DIAPH3: variants seen among roughly 807,000 people sequenced by gnomAD.
The protein encoded by DIAPH3 is protein diaphanous homolog 3.
Under a neutral mutation model 144.3 loss-of-function variants are expected in DIAPH3, and 117 were observed. The observed-to-expected ratio is 0.81, with a 90% CI of 0.70 to 0.95. The LOEUF (loss-of-function observed/expected upper bound fraction) is 0.95, where lower values mean the gene tolerates loss of function less well. Ranked by LOEUF, DIAPH3 falls within the 40% of genes least tolerant of loss-of-function variation. DIAPH3 has a pLI of 0.00. For missense variants in DIAPH3, 1,421 were observed against 1,412.7 expected, an observed-to-expected ratio of 1.01 and a Z score of -0.09; for synonymous variants, 519 against 488.9, an observed-to-expected ratio of 1.06 and a Z score of -0.81.
chr13:59,917,825 G>A (rs764948827), intron 18 of DIAPH3, among the ~76,000 whole-genome samples: 4 of 143,062 alleles, frequency 2.8e-5, no homozygotes, highest in Admixed American at 7.5e-5. Context: ...AAGAGGCAGA[G>A]GTTGCAGTGA....
At position 59,996,885 on chromosome 13, in the gene DIAPH3, T is replaced by A. The variant is rs1306866999; in HGVS notation, c.1015-4302A>T. Among the ~76,000 whole-genome samples, 3 of 151,978 alleles carry A rather than the reference T, an allele frequency of 2.0e-5. No homozygotes were observed. In the East Asian group the frequency reaches 5.8e-4, roughly 29 times the overall value. On this transcript the variant is annotated intron_variant, in intron 9 of 27. Transcript: ENST00000400324. ...CAAAGTGGCTTTCTGCCCTTGAAAA[T>A]AAAGTGAGAAGTTTTCTTCATATGT...
At chr13:59,888,398 T>C (rs2045581594) in intron 20 of DIAPH3, among the ~76,000 whole-genome samples, 2 of 152,114 alleles carry the variant, frequency 1.3e-5, no homozygotes, top group African/African-American at 4.8e-5. Context: ...TTGTTTATAA[T>C]CCATTCAGTT....
chr13:60,090,943 G>A (rs546871370), intron 4 of DIAPH3, among the ~76,000 whole-genome samples: 1 of 152,260 alleles, frequency 6.6e-6, no homozygotes, highest in South Asian at 2.1e-4. Context: ...AATGATTAGA[G>A]GATTAAAGTT....
intron 4 of DIAPH3, among the ~76,000 whole-genome samples, chr13:60,066,800 T>A (rs2056985284): frequency 6.6e-6 from 1 of 152,198 alleles, no homozygotes; most frequent in Non-Finnish European, 1.5e-5. Flanking sequence ...ATTTTTTCCA[T>A]CTTAAATTGG....
In DIAPH3 at chr13:59,879,273, G is replaced by A. The variant is rs375470625; in HGVS notation, c.2563C>T (p.Arg855Trp). Reference protein sequence around the residue: ...LMGNYMNAGSRNAQTFGFNLS... With the variant: ...LMGNYMNAGSWNAQTFGFNLS... ...TTAAATCCGAAGGTTTGAGCATTCC[G>A]GGAGCCAGCATTCATGTAGTTTCCC... The change falls in exon 21 of 28, where the codon CGG becomes TGG. Residue 855 changes from arginine to tryptophan, a missense_variant. Arg to Trp is a moderately radical substitution (Grantham distance 101). Coordinates refer to ENST00000400324, the MANE Select transcript of DIAPH3 (RefSeq NM_001042517.2). 5.0e-5 allele frequency: 80 copies of A among 1,613,756 alleles called. No homozygotes were observed. Among genetic ancestry groups the A allele is most frequent in the Middle Eastern group, 3.3e-4 (2 of 6,062 alleles).
chr13:59,807,912 C>T (rs2040278056), intron 25 of DIAPH3, among the ~76,000 whole-genome samples: 3 of 151,776 alleles, frequency 2.0e-5, no homozygotes, highest in South Asian at 2.1e-4. Flanking sequence ...TTTAAAGAAA[C>T]ATAAACCAGC....
At chr13:60,099,681 C>A (rs947751792) in intron 3 of DIAPH3, among the ~76,000 whole-genome samples, 1 of 152,084 alleles carries the variant, frequency 6.6e-6, no homozygotes, top group Non-Finnish European at 1.5e-5. Context: ...CAGGGGAAAC[C>A]GAGTTGCAAC....
At chr13:59,964,363 T>G (rs1431970388) in intron 17 of DIAPH3, among the ~76,000 whole-genome samples, 1 of 152,066 alleles carries the variant, frequency 6.6e-6, no homozygotes, top group African/African-American at 2.4e-5. Context: ...TATGTGTATG[T>G]ACATACACAC....
At chr13:60,134,601 A>G (rs2059222485) in intron 1 of DIAPH3, among the ~76,000 whole-genome samples, 1 of 152,166 alleles carries the variant, frequency 6.6e-6, no homozygotes, top group African/African-American at 2.4e-5. Context: ...AGCCTATTGC[A>G]TTTGGTTAAC....
At chr13:60,117,018 T>C (rs1490941756) in intron 2 of DIAPH3, among the ~76,000 whole-genome samples, 2 of 151,984 alleles carry the variant, frequency 1.3e-5, no homozygotes, top group Non-Finnish European at 2.9e-5. Flanking sequence ...CCTAACGATT[T>C]CATAGTATTG....
At chr13:60,137,868 C>A (rs111544630) in intron 1 of DIAPH3, among the ~76,000 whole-genome samples, 1 of 151,302 alleles carries the variant, frequency 6.6e-6, no homozygotes, top group Non-Finnish European at 1.5e-5. Context: ...GGACCACAGG[C>A]GTGCACCACC....
chr13:59,914,614 A>T (rs186066634), intron 19 of DIAPH3, among the ~76,000 whole-genome samples: 403 of 152,320 alleles, frequency 2.6e-3, no homozygotes, highest in Non-Finnish European at 4.2e-3. Flanking sequence ...AGTTCTTATA[A>T]GTGGAAGAAA....
At chr13:59,948,845 GA>G (rs1349974748) in intron 17 of DIAPH3, among the ~76,000 whole-genome samples, 3 of 21,844 alleles carry the variant, frequency 1.4e-4, no homozygotes, top group African/African-American at 3.5e-4. Context: ...AAGAAAGAAG[GA>G]AGGAAGGAAG....
At chr13:59,992,240 A>T in intron 10 of DIAPH3, 54 bp from the exon 11 acceptor site, 3 of 1,416,874 alleles carry the variant, frequency 2.1e-6, no homozygotes, top group Non-Finnish European at 3.0e-6. Flanking sequence ...AATTATGCAA[A>T]AGAATAAAAA....
chr13:59,689,615 T>G (rs915600862), intron 27 of DIAPH3, among the ~76,000 whole-genome samples: 2 of 152,010 alleles, frequency 1.3e-5, no homozygotes, highest in African/African-American at 4.8e-5. Context: ...AGACTGCTAT[T>G]CTGCAGGTTT....
intron 9 of DIAPH3, among the ~76,000 whole-genome samples, chr13:60,001,030 T>C (rs2052496861): frequency 6.6e-6 from 1 of 152,214 alleles, no homozygotes; most frequent in Non-Finnish European, 1.5e-5. Context: ...ATATTTCATT[T>C]CCACTTGTAT....
chr13:60,062,451 T>C lies in DIAPH3; in HGVS notation c.496-19631A>G, dbSNP rs1473275743. On this transcript the variant is annotated intron_variant, in intron 4 of 27. Transcript: ENST00000400324. Reference sequence around the variant, plus strand: ...TCTTTCCAGAGTAGTTTTTTTACGATTACTACTTAAACCAGTGTTTCTGTA... The same window carrying C: ...TCTTTCCAGAGTAGTTTTTTTACGACTACTACTTAAACCAGTGTTTCTGTA... Among the ~76,000 whole-genome samples the C allele has an allele frequency of 3.9e-5, 6 of 152,190 alleles. No individual in the cohort carries two copies. In the East Asian group the frequency reaches 1.2e-3, roughly 29 times the overall value.
intron 17 of DIAPH3, among the ~76,000 whole-genome samples, chr13:59,943,434 A>G (rs1022971656): frequency 6.6e-6 from 1 of 152,200 alleles, no homozygotes; most frequent in African/African-American, 2.4e-5. Context: ...AAGCCCTGTT[A>G]GAACAATAAT....
intron 5 of DIAPH3, among the ~76,000 whole-genome samples, chr13:60,018,741 G>A (rs2053819554): frequency 6.6e-6 from 1 of 152,044 alleles, no homozygotes; most frequent in South Asian, 2.1e-4. Context: ...AATGAGAGTT[G>A]GGCAATGGCC....
Sources: allele counts gnomAD v4.1 joint callset (sites outside exome capture counted in the v4.1 genomes callset), GRCh38; gene constraint gnomAD v4.1.1; transcripts MANE v1.5; gene names NCBI Gene and HGNC (gene_info 2026-07-23, HGNC 2026-07-21).